The following TNRC18 variants were observed in gnomAD, a reference collection of about 807,000 sequenced individuals.
The protein encoded by TNRC18 is trinucleotide repeat containing 18.
Under a neutral mutation model 226.7 loss-of-function variants are expected in TNRC18, and 69 were observed. The observed-to-expected ratio is 0.30, with a 90% confidence interval of 0.25 to 0.37. The LOEUF is 0.37. Ranked by LOEUF, TNRC18 falls within the 10% of genes least tolerant of loss-of-function variation. The pLI is 1.00. For missense variants in TNRC18, 4,754 were observed against 4,256.6 expected, an observed-to-expected ratio of 1.12 and a Z score of -3.25; for synonymous variants, 2,449 against 1,927.6, an observed-to-expected ratio of 1.27 and a Z score of -7.09.
Position 5,324,177 on chromosome 7 carries a change from A to G in TNRC18, c.6442+37T>C. On this transcript the variant is annotated intron_variant, in intron 21 of 29. Transcript: ENST00000430969. This position sits in a 1 kb window ranked among gnomAD's most constrained non-coding sequence, Gnocchi z 4.8. ...TGCCTCCCCCAAGGGAGGCTCCAGC[A>G]GCCCCGCCCGGCACATGTGGCATCA... 1 of 1,557,230 alleles carries G rather than the reference A, an allele frequency of 6.4e-7. No homozygotes were observed. Among genetic ancestry groups the G allele is most frequent in the Non-Finnish European group, 8.7e-7 (1 of 1,155,652 alleles).
Position 5,313,263 on chromosome 7 carries a change from C to T in TNRC18, c.7628G>A (p.Ser2543Asn), listed in dbSNP as rs1319786761. Residue 2543 changes from serine to asparagine, a missense_variant, in exon 27 of 30, where the codon AGC becomes AAC. Transcript: ENST00000430969. Reference sequence around the variant, plus strand: ...CTGCTCAGCCTGGGCCTTGTCTGGGCTCTTGGGGTTCCCAGAGTCCTCGAA... The same window carrying T: ...CTGCTCAGCCTGGGCCTTGTCTGGGTTCTTGGGGTTCCCAGAGTCCTCGAA... ...LTFEDSGNPK[S>N]PDKAQAEQDG... 1.9e-6 allele frequency: 3 copies of T among 1,548,806 alleles called. No homozygotes were observed. Among genetic ancestry groups the T allele is most frequent in the Admixed American group, 2.0e-5 (1 of 50,984 alleles).
rs762484300 is a variant in TNRC18 at position 5,312,699 on chromosome 7, G to C, written c.8192C>G (p.Pro2731Arg). ...GGGCTGCAGAGGCTGTGTGGGCTGCGGAGGAGGCGCCTGGGGCTGGGGCGC... is the reference window on the plus strand; with the variant it reads ...GGGCTGCAGAGGCTGTGTGGGCTGCCGAGGAGGCGCCTGGGGCTGGGGCGC... ...TPAPQPQAPP[P>R]QPTQPLQPKA... The change falls in exon 27 of 30, where the codon CCG becomes CGG. Residue 2731 changes from proline (P) to arginine (R), a missense_variant. Coordinates refer to ENST00000430969, the MANE Select transcript of TNRC18 (RefSeq NM_001080495.3). This position sits in a 1 kb window ranked among gnomAD's most constrained non-coding sequence, Gnocchi z 6.3. The C allele has an allele frequency of 1.9e-6, 3 of 1,590,136 alleles. No individual in the cohort carries two copies. The highest frequency in any genetic ancestry group is 1.8e-5 in the Admixed American group (1 of 57,090).
rs746930389 is a variant in TNRC18 at position 5,308,170 on chromosome 7, G to A, written c.8843C>T (p.Ala2948Val). Residue 2948 changes from alanine to valine, a missense_variant, in exon 30 of 30, where the codon GCG (alanine) becomes GTG (valine). Transcript: ENST00000430969. ...YQDSEGLYYLAGTYEPTTGMI... is the reference protein window; with the variant it reads ...YQDSEGLYYLVGTYEPTTGMI... ...GCCCGTGGTGGGCTCGTAGGTGCCC[G>A]CGAGGTAGTACAGGCCCTCGCTGTC... The A allele has an allele frequency of 2.2e-5, 35 of 1,589,140 alleles. No individual in the cohort carries two copies. Among genetic ancestry groups the A allele is most frequent in the Admixed American group, 5.3e-5 (3 of 56,232 alleles).
chr7:5,346,630 G>T (rs891849233), intron 17 of TNRC18, among the ~76,000 whole-genome samples: 1 of 151,700 alleles, frequency 6.6e-6, no homozygotes, highest in Non-Finnish European at 1.5e-5. Context: ...GCAACGCAGA[G>T]TCCCCGTGAC....
rs375131477 is a variant in TNRC18, at chr7:5,347,180, A to G, written c.5471-1370T>C. Among the ~76,000 whole-genome samples, 15 of 135,420 alleles carry G rather than the reference A, an allele frequency of 1.1e-4. No homozygotes were observed. The East Asian group carries it at 1.4e-3, about 12-fold the overall frequency. 88.8% of individuals were successfully genotyped at this position (135,420 alleles called of 152,430 possible). On this transcript the variant is annotated intron_variant, in intron 17 of 29. Coordinates refer to ENST00000430969, the MANE Select transcript of TNRC18 (RefSeq NM_001080495.3). Reference sequence around the variant, plus strand: ...CGACAGAGCAAACCTTGTCTCTACAAAAAAAAAAATTTTTTTTTTTTTTTT... The same window carrying G: ...CGACAGAGCAAACCTTGTCTCTACAGAAAAAAAAATTTTTTTTTTTTTTTT...
chr7:5,363,270 G>T (rs1168844568), intron 11 of TNRC18, among the ~76,000 whole-genome samples: 2 of 150,400 alleles, frequency 1.3e-5, no homozygotes, highest in Non-Finnish European at 3.0e-5. Context: ...ACCACCGCAT[G>T]CCAGCCTGAG....
chr7:5,377,893 A>AG lies in TNRC18; in HGVS notation c.2255+28dup, dbSNP rs745352464. 1 of 1,605,924 alleles carries AG rather than the reference A, an allele frequency of 6.2e-7. No homozygotes were observed. The highest frequency in any genetic ancestry group is 8.5e-7 in the Non-Finnish European group (1 of 1,173,374). ...CCCCAGGGGCTCCTAGATACCCCCT[A>AG]GACCCTCAGGATCCCCCGACACCCT... On this transcript the variant is annotated intron_variant, in intron 6 of 29. Coordinates refer to ENST00000430969, the MANE Select transcript of TNRC18 (RefSeq NM_001080495.3). This position sits in a 1 kb window ranked among gnomAD's most constrained non-coding sequence, Gnocchi z 5.8.
In TNRC18 at chr7:5,370,732, G is replaced by T. The variant is rs1794063712; in HGVS notation, c.3862C>A (p.Gln1288Lys). 6.2e-7 allele frequency: 1 copy of T among 1,606,618 alleles called. No homozygotes were observed. The highest frequency in any genetic ancestry group is 1.7e-5 in the Admixed American group (1 of 58,986). Residue 1288 changes from glutamine to lysine, a missense_variant, in exon 11 of 30, where the codon CAG becomes AAG. Transcript: ENST00000430969. ...GLAQVAPSES[Q>K]PTLEMSDCDV... ...CAGTCTGACATTTCTAGGGTGGGCT[G>T]GGACTCGCTCGGTGCCACCTGCGCC...
chr7:5,339,908 G>A (rs1024462897), intron 18 of TNRC18, among the ~76,000 whole-genome samples: 1 of 151,400 alleles, frequency 6.6e-6, no homozygotes, highest in African/African-American at 2.4e-5. Context: ...AAAAAAAAAA[G>A]TGTGTGTTGA....
chr7:5,357,311 C>G (rs760193352), intron 15 of TNRC18, 35 bp from the exon 16 acceptor site: 9 of 1,578,410 alleles, frequency 5.7e-6, no homozygotes, highest in African/African-American at 1.3e-5. Context: ...GTTAAAAGAT[C>G]TGACAAAACA....
At chr7:5,390,820 G>A (rs1406480501) in intron 3 of TNRC18, among the ~76,000 whole-genome samples, 192 bp from the exon 4 acceptor site, 2 of 152,070 alleles carry the variant, frequency 1.3e-5, no homozygotes. Flanking sequence ...GGCCCAGGCA[G>A]CCCTCACGGG....
Position 5,371,214 on chromosome 7 carries a change from G to A in TNRC18, c.3380C>T (p.Ser1127Leu). ...PADGPERLAL[S>L]PEDKPIRLSP... ...CAAGCGGATGGGCTTGTCTTCGGGT[G>A]AGAGTGCCAGGCGCTCGGGCCCATC... Residue 1127 changes from serine (S) to leucine (L), a missense_variant, in exon 11 of 30, where the codon TCA becomes TTA. Ser to Leu is a moderately radical substitution (Grantham distance 145). Coordinates refer to ENST00000430969, the MANE Select transcript of TNRC18 (RefSeq NM_001080495.3). 6.2e-7 allele frequency: 1 copy of A among 1,605,412 alleles called. No individual in the cohort carries two copies.
At chr7:5,385,674 C>T (rs530830970) in intron 5 of TNRC18, among the ~76,000 whole-genome samples, 1 of 138,400 alleles carries the variant, frequency 7.2e-6, no homozygotes, top group South Asian at 2.3e-4. Context: ...CAGAGCGAGA[C>T]TCCATCCAAA....
chr7:5,361,548 CT>C (rs1337129833), intron 14 of TNRC18, 45 bp downstream of exon 14: 1 of 1,451,498 alleles, frequency 6.9e-7, no homozygotes, highest in African/African-American at 1.5e-5. Flanking sequence ...GGCTCCTCCC[CT>C]CAAGCTGTGT....
intron 16 of TNRC18, among the ~76,000 whole-genome samples, chr7:5,353,538 C>T (rs1186363322): frequency 1.5e-4 from 20 of 133,714 alleles, no homozygotes; most frequent in East Asian, 2.2e-4. Context: ...CCAGCCTGGG[C>T]GACAGAGCAA....
intron 24 of TNRC18, among the ~76,000 whole-genome samples, chr7:5,317,266 G>C (rs1224930073): frequency 6.6e-6 from 1 of 152,036 alleles, no homozygotes; most frequent in Non-Finnish European, 1.5e-5. Flanking sequence ...CAGAAGGAGG[G>C]GGGACCGGGA....
chr7:5,356,802 G>A, intron 16 of TNRC18, 114 bp downstream of exon 16: 11 of 1,372,704 alleles, frequency 8.0e-6, no homozygotes, highest in Admixed American at 2.9e-5. Context: ...CCCAGAGAGA[G>A]AGCGAGAGCG....
intron 2 of TNRC18, among the ~76,000 whole-genome samples, chr7:5,419,376 G>A (rs1037230942): frequency 9.9e-5 from 15 of 152,222 alleles, no homozygotes; most frequent in African/African-American, 3.6e-4. Flanking sequence ...CAGCCAGCCA[G>A]AGAGACCCGG....
At chr7:5,357,710 A>G (rs2128155973) in intron 15 of TNRC18, among the ~76,000 whole-genome samples, 1 of 152,188 alleles carries the variant, frequency 6.6e-6, no homozygotes, top group East Asian at 1.9e-4. Context: ...GCTGGTCTCA[A>G]ACTTTTAGGC....
Sources: allele counts gnomAD v4.1 joint callset (sites outside exome capture counted in the v4.1 genomes callset), GRCh38; gene constraint gnomAD v4.1.1; non-coding constraint Gnocchi (gnomAD v3.1); transcripts MANE v1.5; gene names NCBI Gene and HGNC (gene_info 2026-07-23, HGNC 2026-07-21).